Variants in NETO1 observed in about 807,000 individuals in gnomAD.
NETO1 encodes neuropilin and tolloid like 1, also known as neuropilin and tolloid-like protein 1.
Under a neutral mutation model 61.3 loss-of-function variants are expected in NETO1, and 26 were observed. The observed-to-expected ratio is 0.42, with a 90% CI of 0.31 to 0.59. The LOEUF (loss-of-function observed/expected upper bound fraction) is 0.59, where lower values mean the gene tolerates loss of function less well. Ranked by LOEUF, NETO1 falls within the 20% of genes least tolerant of loss-of-function variation. The pLI is 0.12. For missense variants in NETO1, 531 were observed against 662.8 expected (o/e 0.80, Z 2.18); for synonymous variants, 225 against 225.8 (o/e 1.00, Z 0.03).
intron 4 of NETO1, among the ~76,000 whole-genome samples, chr18:72,818,815 GT>G (rs1219556229): frequency 6.6e-6 from 1 of 151,994 alleles, no homozygotes; most frequent in Admixed American, 6.5e-5. Context: ...CAAGCAACAT[GT>G]TCTTTTAAAA....
At chr18:72,859,916 C>T (rs750938959) in intron 3 of NETO1, among the ~76,000 whole-genome samples, 14 of 85,880 alleles carry the variant, frequency 1.6e-4, no homozygotes, top group African/African-American at 2.7e-4. Flanking sequence ...TAGTATTTGT[C>T]ATCGAAAATT....
chr18:72,805,396 TTTTC>T (rs1177171418), intron 4 of NETO1, among the ~76,000 whole-genome samples: 2 of 152,222 alleles, frequency 1.3e-5, no homozygotes, highest in Non-Finnish European at 2.9e-5. Flanking sequence ...TAAAAGGGTT[TTTTC>T]TGGTTTCTCA....
intron 4 of NETO1, among the ~76,000 whole-genome samples, chr18:72,796,169 G>A (rs1027672336): frequency 3.3e-5 from 5 of 152,192 alleles, no homozygotes; most frequent in African/African-American, 1.2e-4. Flanking sequence ...TTAAGACTAC[G>A]TGTGCTAATA....
chr18:72,769,459 G>A (rs2071272639), intron 7 of NETO1, among the ~76,000 whole-genome samples: 1 of 152,114 alleles, frequency 6.6e-6, no homozygotes, highest in Admixed American at 6.6e-5. Flanking sequence ...TATTATAGAT[G>A]AGTCAATTAA....
At chr18:72,786,217 A>G (rs540045731) in intron 6 of NETO1, among the ~76,000 whole-genome samples, 11 of 152,304 alleles carry the variant, frequency 7.2e-5, no homozygotes, top group Admixed American at 6.5e-4. Flanking sequence ...TTTATTATAT[A>G]CAGTGGAAAT....
rs35945865 is a variant in NETO1, at chr18:72,763,600, A to ACAC, written c.869-7454_869-7453insGTG. Among the ~76,000 whole-genome samples, 1,432 of 151,508 alleles carry ACAC rather than the reference A, an allele frequency of 9.5e-3. 30 individuals carry two copies. Among genetic ancestry groups the ACAC allele is most frequent in the African/African-American group, 0.033 (1,346 of 41,346 alleles). On this transcript the variant is annotated intron_variant, in intron 7 of 10. Transcript: ENST00000327305. ...CTCATACACCACACACACACTCACA[A>ACAC]ACACACACACCATTCACACACACAC...
Position 72,866,228 on chromosome 18 carries a change from C to A in NETO1, c.29-987G>T, listed in dbSNP as rs80303959. 8.5e-3 allele frequency among the ~76,000 whole-genome samples: 1,301 copies of A among 152,166 alleles called. 12 individuals are homozygous for A. The highest frequency in any genetic ancestry group is 0.021 in the South Asian group (103 of 4,820). On this transcript the variant is annotated intron_variant, in intron 1 of 10. Coordinates refer to ENST00000327305, the MANE Select transcript of NETO1 (RefSeq NM_138966.5). ...CTTAAAATGAATTCGGGGGAGAGAA[C>A]AATTCACAAATATTTCCTGAATTAA...
intron 8 of NETO1, among the ~76,000 whole-genome samples, chr18:72,753,370 A>G (rs971840947): frequency 2.6e-5 from 4 of 152,200 alleles, no homozygotes; most frequent in African/African-American, 7.2e-5. Flanking sequence ...TGCTGCAAGC[A>G]AAAGCAATAC....
At chr18:72,777,160 G>A (rs1296197993) in intron 7 of NETO1, among the ~76,000 whole-genome samples, 1 of 152,188 alleles carries the variant, frequency 6.6e-6, no homozygotes, top group Non-Finnish European at 1.5e-5. Flanking sequence ...GCTCATGCCT[G>A]TAATCCCAGC....
intron 8 of NETO1, among the ~76,000 whole-genome samples, chr18:72,751,313 T>C (rs2070608755): frequency 6.6e-6 from 1 of 152,172 alleles, no homozygotes; most frequent in Non-Finnish European, 1.5e-5. Flanking sequence ...CTACTAAATG[T>C]CCTTAGGACC....
chr18:72,746,095 G>C lies in NETO1; in HGVS notation c.*2084C>G, dbSNP rs1007868399. ...TGTATATTCAGGAGAAACTGGAGGG[G>C]ACGGACATGCCGGACAGTTATAGAA... On this transcript the variant is annotated 3_prime_UTR_variant, in exon 11 of 11. Transcript: ENST00000327305. 6.6e-6 allele frequency: 1 copy of C among 152,062 alleles called. No homozygotes were observed. The highest frequency in any genetic ancestry group is 1.5e-5 in the Non-Finnish European group (1 of 68,014). 9.4% of individuals were successfully genotyped at this position (152,062 alleles called of 1,614,324 possible).
At chr18:72,782,267 G>T (rs901968434) in intron 7 of NETO1, among the ~76,000 whole-genome samples, 2 of 152,100 alleles carry the variant, frequency 1.3e-5, no homozygotes, top group Non-Finnish European at 2.9e-5. Flanking sequence ...CATCTCATTT[G>T]ATTCCATGCC....
At chr18:72,836,267 T>C (rs975137290) in intron 4 of NETO1, among the ~76,000 whole-genome samples, 1 of 152,192 alleles carries the variant, frequency 6.6e-6, no homozygotes, top group African/African-American at 2.4e-5. Flanking sequence ...TTCTTCTGCG[T>C]GGTTGACTTC....
chr18:72,801,775 C>G (rs1391116262), intron 4 of NETO1, among the ~76,000 whole-genome samples: 1 of 152,056 alleles, frequency 6.6e-6, no homozygotes, highest in Non-Finnish European at 1.5e-5. Context: ...TAACTTTTAT[C>G]TAGATATATA....
At chr18:72,824,294 T>C (rs1253865189) in intron 4 of NETO1, among the ~76,000 whole-genome samples, 4 of 152,224 alleles carry the variant, frequency 2.6e-5, no homozygotes, top group Non-Finnish European at 5.9e-5. Flanking sequence ...TGGCTGCAGG[T>C]AAACTTCATT....
chr18:72,796,514 C>T (rs750984552), intron 4 of NETO1, among the ~76,000 whole-genome samples: 8 of 152,110 alleles, frequency 5.3e-5, no homozygotes, highest in Non-Finnish European at 1.0e-4. Flanking sequence ...CGGAGTCTGG[C>T]TCTGTCGCCC....
intron 4 of NETO1, among the ~76,000 whole-genome samples, chr18:72,854,458 A>G (rs2074354757): frequency 6.6e-6 from 1 of 152,208 alleles, no homozygotes; most frequent in Non-Finnish European, 1.5e-5. Flanking sequence ...AAATCTCCCC[A>G]CAAGGAAGTA....
chr18:72,832,715 G>A (rs2073621519), intron 4 of NETO1, among the ~76,000 whole-genome samples: 1 of 152,156 alleles, frequency 6.6e-6, no homozygotes, highest in Admixed American at 6.6e-5. Flanking sequence ...ATTTGTATAG[G>A]CTGCTATTAA....
chr18:72,768,290 T>G (rs1189658680), intron 7 of NETO1, among the ~76,000 whole-genome samples: 14 of 152,256 alleles, frequency 9.2e-5, no homozygotes, highest in Non-Finnish European at 1.5e-5. Flanking sequence ...ATAAATTCTT[T>G]ATATAAAAGA....
Sources: allele counts gnomAD v4.1 joint callset (sites outside exome capture counted in the v4.1 genomes callset), GRCh38; gene constraint gnomAD v4.1.1; transcripts MANE v1.5; gene names NCBI Gene and HGNC (gene_info 2026-07-23, HGNC 2026-07-21).